EHF: variants seen among roughly 807,000 people sequenced by gnomAD.
The protein encoded by EHF is ETS homologous factor.
In EHF, 14 loss-of-function variants were observed where a neutral mutation model predicts 45.1. The ratio of observed to expected loss-of-function variants is 0.31; its 90% CI spans 0.21 to 0.49. The LOEUF (loss-of-function observed/expected upper bound fraction) is 0.49, where lower values mean the gene tolerates loss of function less well. Among genes scored for constraint, EHF ranks in the 20% least tolerant of loss-of-function variants. The pLI, the probability that EHF is intolerant of heterozygous loss-of-function variation, is 0.99. For synonymous variants in EHF, 136 were observed against 131.8 expected, an observed-to-expected ratio of 1.03 and a Z score of -0.22; for missense variants, 282 against 371.4, an observed-to-expected ratio of 0.76 and a Z score of 1.98.
chr11:34,657,390 G>GT (rs958607097), intron 7 of EHF, among the ~76,000 whole-genome samples: 1 of 152,148 alleles, frequency 6.6e-6, no homozygotes, highest in Admixed American at 6.6e-5. Context: ...AGAAATGACT[G>GT]TTTTTTCTTA....
intron 1 of EHF, among the ~76,000 whole-genome samples, chr11:34,640,406 A>G (rs1853870171): frequency 6.6e-6 from 1 of 152,204 alleles, no homozygotes; most frequent in African/African-American, 2.4e-5. Context: ...TGGAAGGCCA[A>G]TCCCTCCATG....
chr11:34,645,085 C>T (rs993298352), intron 2 of EHF, among the ~76,000 whole-genome samples: 1 of 152,184 alleles, frequency 6.6e-6, no homozygotes, highest in Non-Finnish European at 1.5e-5. Flanking sequence ...CCCTTTCACT[C>T]ATCTTTCCTG....
intron 3 of EHF, among the ~76,000 whole-genome samples, chr11:34,647,095 A>C (rs61881014): frequency 0.22 from 30,552 of 137,864 alleles, 3,742 homozygotes; most frequent in East Asian, 0.45. Flanking sequence ...CCCCCCCCAC[A>C]CACACACACA....
rs1855942987 is a variant in EHF at position 34,659,374 on chromosome 11, G to A, written c.*443G>A. On this transcript the variant is annotated 3_prime_UTR_variant, in exon 9 of 9. Transcript: ENST00000257831. ...TCCATATGGCTTCGTCAAGGGAGGT[G>A]AACATTGTTGCTGAGTTAAATTCCA... The A allele has an allele frequency of 6.4e-6, 1 of 156,390 alleles. No homozygotes were observed. Among genetic ancestry groups the A allele is most frequent in the South Asian group, 2.0e-4 (1 of 5,094 alleles). 9.7% of individuals were successfully genotyped at this position (156,390 alleles called of 1,614,324 possible). A position where few individuals can be genotyped will look rare whatever the true frequency, so the allele number is the denominator to read the frequency against.
At chr11:34,653,951 C>T (rs1488775010) in intron 6 of EHF, among the ~76,000 whole-genome samples, 2 of 152,160 alleles carry the variant, frequency 1.3e-5, no homozygotes, top group African/African-American at 2.4e-5. Flanking sequence ...TCATAAAATG[C>T]CCGCTGCCGG....
At chr11:34,653,698 T>C (rs182933525) in intron 6 of EHF, among the ~76,000 whole-genome samples, 3 of 152,220 alleles carry the variant, frequency 2.0e-5, no homozygotes, top group Non-Finnish European at 4.4e-5. Context: ...TATGGGTCAG[T>C]TTCTTTCAGA....
intron 2 of EHF, among the ~76,000 whole-genome samples, chr11:34,643,068 ATGTGTGTGTGTG>A (rs780809590): frequency 6.9e-6 from 1 of 144,866 alleles, no homozygotes; most frequent in Non-Finnish European, 1.5e-5. Flanking sequence ...GAGAAAGGGT[ATGTGTGTGTGTG>A]TGTGTGTGTG....
rs1174824731 is a variant in EHF, at chr11:34,642,654, A to C, written c.24A>C (p.Val8=). The change falls in exon 2 of 9, where the codon GTA becomes GTC. Residue 8 remains valine, a synonymous_variant. Transcript: ENST00000257831. ...TCATGATTCTGGAAGGAGGTGGTGT[A>C]ATGAATCTCAACCCCGGCAACAACC... is the stretch of plus-strand genomic sequence containing the variant. MILEGGG[V]MNLNPGNNLL... 1 of 1,613,862 alleles carries C rather than the reference A, an allele frequency of 6.2e-7. No individual in the cohort carries two copies. The highest frequency in any genetic ancestry group is 2.2e-5 in the East Asian group (1 of 44,854).
intron 4 of EHF, 151 bp downstream of exon 4, chr11:34,649,232 C>T (rs1027108228): frequency 1.4e-6 from 1 of 728,838 alleles, no homozygotes. Context: ...CCACCCCCAC[C>T]ATGAATCTCA....
chr11:34,633,639 C>A (rs1242506017), intron 1 of EHF, among the ~76,000 whole-genome samples: 1 of 152,080 alleles, frequency 6.6e-6, no homozygotes, highest in Non-Finnish European at 1.5e-5. Context: ...AGAAAACAAG[C>A]AAAACCAGGA....
In EHF at chr11:34,633,993, C is replaced by G. The variant is rs530578219; in HGVS notation, c.-3-8635C>G. 2.4e-3 allele frequency among the ~76,000 whole-genome samples: 363 copies of G among 152,288 alleles called. 2 individuals carry two copies. The highest frequency in any genetic ancestry group is 8.2e-3 in the African/African-American group (342 of 41,566). On this transcript the variant is annotated intron_variant, in intron 1 of 8. Coordinates refer to ENST00000257831, the MANE Select transcript of EHF (RefSeq NM_012153.6). ...GTCATGAAAACCCTTGAAACCCCAG[C>G]AATAATACCTCAGATGTTGCCCCTG... is the stretch of plus-strand genomic sequence containing the variant.
rs546965661 is a variant in EHF at position 34,660,414 on chromosome 11, C to G, written c.*1483C>G. The G allele has an allele frequency of 6.6e-6, 1 of 152,008 alleles. No homozygotes were observed. The highest frequency in any genetic ancestry group is 2.1e-4 in the South Asian group (1 of 4,812). 9.4% of individuals were successfully genotyped at this position (152,008 alleles called of 1,614,324 possible). The stretch of plus-strand genomic sequence containing the variant: ...TGATCCCAGGTGAACGGTTTATTGC[C>G]TAGATTTGTACTCAGAGGAATTTTT... On this transcript the variant is annotated 3_prime_UTR_variant, in exon 9 of 9. Coordinates refer to ENST00000257831, the MANE Select transcript of EHF (RefSeq NM_012153.6).
At position 34,649,095 on chromosome 11, in the gene EHF, G is replaced by T; in HGVS notation, c.406+14G>T. 1 of 1,613,388 alleles carries T rather than the reference G, an allele frequency of 6.2e-7. No homozygotes were observed. The highest frequency in any genetic ancestry group is 1.1e-5 in the South Asian group (1 of 91,008). On this transcript the variant is annotated intron_variant, in intron 4 of 8. Coordinates refer to ENST00000257831, the MANE Select transcript of EHF (RefSeq NM_012153.6). The stretch of plus-strand genomic sequence containing the variant: ...CTGAACAAACTGGTGAGTAGTAGTG[G>T]ACAAAGGGAGCCAACCTAGCCTGGC...
chr11:34,623,544 T>A (rs1035561265), intron 1 of EHF, among the ~76,000 whole-genome samples: 3 of 152,216 alleles, frequency 2.0e-5, no homozygotes, highest in Non-Finnish European at 4.4e-5. Context: ...TACCCTGATC[T>A]TCTTTCAATA....
Position 34,645,909 on chromosome 11 carries a change from T to C in EHF, c.98-530T>C, listed in dbSNP as rs962985884. 2.0e-5 allele frequency among the ~76,000 whole-genome samples: 3 copies of C among 152,052 alleles called. No homozygotes were observed. The East Asian group carries it at 5.8e-4, about 29-fold the overall frequency. On this transcript the variant is annotated intron_variant, in intron 2 of 8. Coordinates refer to ENST00000257831, the MANE Select transcript of EHF (RefSeq NM_012153.6). Reference sequence around the variant, plus strand: ...TAATGACTAGGCTGGGGCAGTGGGATATCAGTCCAGTTAGTAGATCAATAA... The same window carrying C: ...TAATGACTAGGCTGGGGCAGTGGGACATCAGTCCAGTTAGTAGATCAATAA...
intron 1 of EHF, among the ~76,000 whole-genome samples, chr11:34,636,114 A>G (rs1183859054): frequency 6.6e-6 from 1 of 152,190 alleles, no homozygotes; most frequent in African/African-American, 2.4e-5. Context: ...CCTCCTTGAG[A>G]GTTCAATAAA....
At chr11:34,631,058 T>C (rs1049257211) in intron 1 of EHF, among the ~76,000 whole-genome samples, 2 of 152,074 alleles carry the variant, frequency 1.3e-5, no homozygotes, top group Non-Finnish European at 2.9e-5. Context: ...TGAGATGGAG[T>C]CTTACTTGGT....
At chr11:34,653,580 T>C (rs1167911357) in intron 6 of EHF, among the ~76,000 whole-genome samples, 1 of 152,174 alleles carries the variant, frequency 6.6e-6, no homozygotes, top group Admixed American at 6.5e-5. Context: ...TAACCCAGGC[T>C]GGAAAATGAG....
intron 3 of EHF, among the ~76,000 whole-genome samples, chr11:34,647,067 A>G (rs900082954): frequency 6.8e-6 from 1 of 146,990 alleles, no homozygotes; most frequent in African/African-American, 2.6e-5. Flanking sequence ...AAAAAACAAA[A>G]AACAAAACAA....
Sources: gnomAD v4.1 joint callset for allele counts (sites outside exome capture counted in the v4.1 genomes callset) on GRCh38, gnomAD v4.1.1 for gene constraint, MANE v1.5 for transcripts, NCBI Gene and HGNC (gene_info 2026-07-23, HGNC 2026-07-21) for gene names.